The following NPHP4 variants were observed in gnomAD, a reference collection of about 807,000 sequenced individuals.
NPHP4 encodes the protein nephrocystin 4, also known as nephrocystin-4.
A neutral mutation model predicts 155.8 loss-of-function variants in NPHP4; 151 were observed. The observed-to-expected ratio is 0.97, with a 90% confidence interval of 0.85 to 1.11. NPHP4 has a LOEUF of 1.11. Among genes scored for constraint, NPHP4 ranks in the 50% least tolerant of loss-of-function variants. NPHP4 has a pLI of 0.00. For synonymous variants in NPHP4, 845 were observed against 816.8 expected (o/e 1.03, Z -0.59); for missense variants, 1,956 against 1,925.7 (o/e 1.02, Z -0.29).
At chr1:5,863,782 G>T (rs1640889056) in intron 29 of NPHP4, 108 bp downstream of exon 29, 2 of 1,250,860 alleles carry the variant, frequency 1.6e-6, no homozygotes, top group Non-Finnish European at 2.3e-6. Context: ...TGGGGCTTTT[G>T]GAAGACTGCT....
chr1:5,881,565 G>A (rs1340735922), intron 18 of NPHP4: 1 of 152,226 alleles, frequency 6.6e-6, no homozygotes, highest in South Asian at 2.1e-4. Context: ...AAAAAGGGCT[G>A]TTGAGGGCAA....
rs116350667 is a variant in NPHP4 at position 5,865,913 on chromosome 1, G to A, written c.3644+460C>T. The A allele has an allele frequency of 4.9e-3, 1,011 of 207,430 alleles. 13 individuals are homozygous for A. The highest frequency in any genetic ancestry group is 0.022 in the African/African-American group (961 of 43,186). The allele number at this position is 207,430 out of a possible 1,614,324, so 12.8% of individuals were successfully genotyped here. On this transcript the variant is annotated intron_variant, in intron 26 of 29. Coordinates refer to ENST00000378156, the MANE Select transcript of NPHP4 (RefSeq NM_015102.5). ...ACACCAGTTTGAAAGGATTCTCACA[G>A]GGCTTGGGGATCCGACTTAGGAGGG...
chr1:5,895,651 C>T (rs1007300487), intron 16 of NPHP4, among the ~76,000 whole-genome samples: 18 of 152,184 alleles, frequency 1.2e-4, no homozygotes, highest in African/African-American at 3.9e-4. Context: ...CCCCGGGCAG[C>T]GGCACCCGAG....
At chr1:5,950,493 T>C (rs1647777620) in intron 7 of NPHP4, among the ~76,000 whole-genome samples, 1 of 152,218 alleles carries the variant, frequency 6.6e-6, no homozygotes, top group Non-Finnish European at 1.5e-5. Context: ...TTTAAAGCCA[T>C]ACCCTTTGTC....
chr1:5,969,682 T>C (rs1652212752), intron 3 of NPHP4, among the ~76,000 whole-genome samples: 1 of 152,172 alleles, frequency 6.6e-6, no homozygotes, highest in Admixed American at 6.5e-5. Context: ...ACGTAACACA[T>C]CCACCACTAA....
chr1:5,898,943 A>G (rs1345358727), intron 16 of NPHP4, among the ~76,000 whole-genome samples: 1 of 152,118 alleles, frequency 6.6e-6, no homozygotes, highest in Non-Finnish European at 1.5e-5. Context: ...AGGCCTGTGA[A>G]AGGCACTCGG....
At chr1:5,932,999 T>C (rs1331851133) in intron 10 of NPHP4, 148 bp downstream of exon 10, 2 of 608,294 alleles carry the variant, frequency 3.3e-6, no homozygotes, top group African/African-American at 3.7e-5. Flanking sequence ...AAAAACATCA[T>C]ACTAATCTTT....
At chr1:5,970,320 T>C (rs1453444939) in intron 3 of NPHP4, among the ~76,000 whole-genome samples, 1 of 151,868 alleles carries the variant, frequency 6.6e-6, no homozygotes, top group African/African-American at 2.4e-5. Context: ...CCTGGCAACA[T>C]AGCCAAACAC....
intron 16 of NPHP4, among the ~76,000 whole-genome samples, chr1:5,897,426 A>G (rs955034900): frequency 6.6e-6 from 1 of 152,220 alleles, no homozygotes; most frequent in Non-Finnish European, 1.5e-5. Flanking sequence ...ATAGTCTGAC[A>G]TTCGCGCCTC....
At chr1:5,904,992 G>T (rs187344056) in intron 15 of NPHP4, among the ~76,000 whole-genome samples, 188 bp from the exon 16 acceptor site, 1 of 152,164 alleles carries the variant, frequency 6.6e-6, no homozygotes, top group Admixed American at 6.5e-5. Context: ...CAGCATTCTC[G>T]AGTGTAAGGA....
rs1643987280 is a variant in NPHP4 at position 5,889,250 on chromosome 1, A to G, written c.2304+1618T>C. 6.6e-6 allele frequency among the ~76,000 whole-genome samples: 1 copy of G among 152,224 alleles called. No individual in the cohort carries two copies. Among genetic ancestry groups the G allele is most frequent in the Admixed American group, 6.5e-5 (1 of 15,292 alleles). ...AACAGCAAGAGCTCAAACAAGATGAAAGCTGGCCCCGCCTGCAGAAAGTAA... is the reference window on the plus strand; with the variant it reads ...AACAGCAAGAGCTCAAACAAGATGAGAGCTGGCCCCGCCTGCAGAAAGTAA... On this transcript the variant is annotated intron_variant, in intron 17 of 29. Transcript: ENST00000378156. The surrounding 1 kb of genome is among the most constrained non-coding windows in gnomAD (Gnocchi z 4.2).
At chr1:5,967,408 T>A (rs1471221256) in intron 4 of NPHP4, 45 bp from the exon 5 acceptor site, 3 of 1,457,940 alleles carry the variant, frequency 2.1e-6, no homozygotes, top group Admixed American at 1.9e-5. Flanking sequence ...ACGTGCGCAC[T>A]TCTCAGAAGG....
At chr1:5,972,127 C>T (rs1652681280) in intron 3 of NPHP4, among the ~76,000 whole-genome samples, 1 of 152,260 alleles carries the variant, frequency 6.6e-6, no homozygotes, top group Non-Finnish European at 1.5e-5. Flanking sequence ...CTGGCACCTG[C>T]ATGACATGGG....
At chr1:5,909,434 G>A (rs1313843981) in intron 11 of NPHP4, among the ~76,000 whole-genome samples, 3 of 152,176 alleles carry the variant, frequency 2.0e-5, no homozygotes, top group Non-Finnish European at 2.9e-5. Flanking sequence ...GCCAGGAGAG[G>A]GGGTACAGCT....
chr1:5,915,112 G>A (rs1424036864), intron 11 of NPHP4, among the ~76,000 whole-genome samples: 1 of 152,240 alleles, frequency 6.6e-6, no homozygotes, highest in Non-Finnish European at 1.5e-5. Context: ...CCGTGGGAGA[G>A]AGAAGTCCTG....
intron 16 of NPHP4, among the ~76,000 whole-genome samples, chr1:5,900,376 C>CA (rs1644609847): frequency 6.6e-6 from 1 of 152,160 alleles, no homozygotes; most frequent in South Asian, 2.1e-4. Flanking sequence ...TATCATTCAG[C>CA]AATCCAATAC....
chr1:5,895,750 A>C (rs534078839), intron 16 of NPHP4, among the ~76,000 whole-genome samples: 56 of 152,338 alleles, frequency 3.7e-4, no homozygotes, highest in Admixed American at 1.0e-3. Context: ...AAGGTTACTA[A>C]TTGCTGAGAT....
chr1:5,866,312 C>T, intron 26 of NPHP4, 61 bp downstream of exon 26: 4 of 1,111,958 alleles, frequency 3.6e-6, no homozygotes, highest in Non-Finnish European at 5.4e-6. Flanking sequence ...CCAGCAGCCC[C>T]AGGCCTGCCT....
In NPHP4 at chr1:5,924,765, T is replaced by C. The variant is rs114830249; in HGVS notation, c.1441+2884A>G. Among the ~76,000 whole-genome samples, 1,143 of 152,218 alleles carry C rather than the reference T, an allele frequency of 7.5e-3. 14 individuals are homozygous for C. Among genetic ancestry groups the C allele is most frequent in the African/African-American group, 0.025 (1,053 of 41,542 alleles). The stretch of plus-strand genomic sequence containing the variant: ...CATCTCCCGGGCTCAACCAATCCTC[T>C]TGCCTTGGCCTCCTGAGTAGCGGGG... On this transcript the variant is annotated intron_variant, in intron 11 of 29. Transcript: ENST00000378156.
Sources: gnomAD v4.1 joint callset for allele counts (sites outside exome capture counted in the v4.1 genomes callset) on GRCh38, gnomAD v4.1.1 for gene constraint, Gnocchi (gnomAD v3.1) non-coding constraint, MANE v1.5 for transcripts, NCBI Gene and HGNC (gene_info 2026-07-23, HGNC 2026-07-21) for gene names.